DCUN1D2: variants seen among roughly 807,000 people sequenced by gnomAD.
The protein encoded by DCUN1D2 is defective in cullin neddylation 1 domain containing 2.
A neutral mutation model predicts 30.9 loss-of-function variants in DCUN1D2; 29 were observed. That is an observed-to-expected ratio of 0.94 (90% CI 0.70 to 1.28). The LOEUF is 1.28. Ranked by LOEUF, DCUN1D2 falls within the 50% of genes most tolerant of loss-of-function variation. The pLI is 0.00. For missense variants in DCUN1D2, 325 were observed against 316.9 expected (o/e 1.03, Z -0.19); for synonymous variants, 121 against 115.3 (o/e 1.05, Z -0.32).
intron 4 of DCUN1D2, among the ~76,000 whole-genome samples, chr13:113,470,092 G>A (rs577113534): frequency 6.6e-6 from 1 of 152,214 alleles, no homozygotes; most frequent in Non-Finnish European, 1.5e-5. Context: ...GATAGTCCGC[G>A]TAAGTGACAG....
In DCUN1D2 at chr13:113,456,101, T is replaced by G. The variant is rs1343741073; in HGVS notation, c.*1928A>C. The G allele has an allele frequency of 5.0e-6, 2 of 397,996 alleles. No individual in the cohort carries two copies. Among genetic ancestry groups the G allele is most frequent in the Non-Finnish European group, 8.8e-6 (2 of 226,000 alleles). The allele number at this position is 397,996 out of a possible 1,614,324, so 24.7% of individuals were successfully genotyped here. A position where few individuals can be genotyped will look rare whatever the true frequency, so the allele number is the denominator to read the frequency against. On this transcript the variant is annotated 3_prime_UTR_variant, in exon 7 of 7. Coordinates refer to ENST00000478244, the MANE Select transcript of DCUN1D2 (RefSeq NM_001014283.2). ...TGAAGCCTGGAAGATACGCTCACGTTTTTGAGGTTTGTATTAATGCCAGTT... is the reference window on the plus strand; with the variant it reads ...TGAAGCCTGGAAGATACGCTCACGTGTTTGAGGTTTGTATTAATGCCAGTT...
chr13:113,486,655 G>A (rs1323573077), intron 1 of DCUN1D2, among the ~76,000 whole-genome samples: 1 of 152,210 alleles, frequency 6.6e-6, no homozygotes, highest in Admixed American at 6.5e-5. Context: ...AATCTGAGGA[G>A]TCACAGGTCC....
Position 113,456,625 on chromosome 13 carries a change from C to G in DCUN1D2, c.*1404G>C, listed in dbSNP as rs1443300422. On this transcript the variant is annotated 3_prime_UTR_variant, in exon 7 of 7. Coordinates refer to ENST00000478244, the MANE Select transcript of DCUN1D2 (RefSeq NM_001014283.2). ...AGGGTCAACAGTGATGTCCACAACT[C>G]AATACCAGCCCTCCACACCTCGGCA... 1.9e-5 allele frequency: 7 copies of G among 361,634 alleles called. No individual in the cohort carries two copies. The South Asian group carries it at 4.5e-4, about 23-fold the overall frequency. The allele number at this position is 361,634 out of a possible 1,614,324, so 22.4% of individuals were successfully genotyped here. A position where few individuals can be genotyped will look rare whatever the true frequency, so the allele number is the denominator to read the frequency against.
At chr13:113,483,335 T>C (rs1168532823) in intron 2 of DCUN1D2, among the ~76,000 whole-genome samples, 2 of 152,194 alleles carry the variant, frequency 1.3e-5, no homozygotes, top group Non-Finnish European at 2.9e-5. Context: ...AAAGCCTCTC[T>C]AATCACTGAA....
intron 4 of DCUN1D2, among the ~76,000 whole-genome samples, chr13:113,471,535 A>C (rs184332964): frequency 3.4e-4 from 52 of 152,370 alleles, no homozygotes; most frequent in Admixed American, 3.4e-3. Context: ...TACTTACTGA[A>C]AACACTCAGC....
rs114626830 is a variant in DCUN1D2 at position 113,487,419 on chromosome 13, G to A, written c.3+3248C>T. 4.6e-3 allele frequency among the ~76,000 whole-genome samples: 705 copies of A among 151,800 alleles called. 5 individuals are homozygous for A. Among genetic ancestry groups the A allele is most frequent in the African/African-American group, 0.016 (670 of 41,080 alleles). The stretch of plus-strand genomic sequence containing the variant: ...ATGAAGTATTGATACATGCCACATG[G>A]ATGAACTTTTGACACTGAGTAAAAG... On this transcript the variant is annotated intron_variant, in intron 1 of 6. Coordinates refer to ENST00000478244, the MANE Select transcript of DCUN1D2 (RefSeq NM_001014283.2).
At chr13:113,476,181 C>G (rs1231581914) in intron 3 of DCUN1D2, 6 of 152,232 alleles carry the variant, frequency 3.9e-5, no homozygotes, top group Non-Finnish European at 7.3e-5. Flanking sequence ...GGTGTCAACA[C>G]TTCTGCACAC....
In DCUN1D2 at chr13:113,457,919, G is replaced by T; in HGVS notation, c.*110C>A. On this transcript the variant is annotated 3_prime_UTR_variant, in exon 7 of 7. Coordinates refer to ENST00000478244, the MANE Select transcript of DCUN1D2 (RefSeq NM_001014283.2). The stretch of plus-strand genomic sequence containing the variant: ...ATGGGATGGCGCCTCTGGTTTCATG[G>T]CTGGTCAAGAATGACTTCTGGAATC... 1 of 1,055,900 alleles carries T rather than the reference G, an allele frequency of 9.5e-7. No individual in the cohort carries two copies. The highest frequency in any genetic ancestry group is 1.4e-6 in the Non-Finnish European group (1 of 694,738). 65.4% of individuals were successfully genotyped at this position (1,055,900 alleles called of 1,614,324 possible). A position where few individuals can be genotyped will look rare whatever the true frequency, so the allele number is the denominator to read the frequency against.
intron 4 of DCUN1D2, among the ~76,000 whole-genome samples, chr13:113,464,534 A>T (rs1046862155): frequency 1.3e-5 from 2 of 152,256 alleles, no homozygotes; most frequent in Admixed American, 1.3e-4. Context: ...ACCTCCCGGA[A>T]ATTACCATGG....
chr13:113,463,787 G>GACACACAC (rs1205318620), intron 4 of DCUN1D2, among the ~76,000 whole-genome samples: 1 of 107,654 alleles, frequency 9.3e-6, no homozygotes, highest in African/African-American at 4.1e-5. Context: ...GACACACACA[G>GACACACAC]AGACACACAG....
Position 113,457,933 on chromosome 13 carries a change from A to C in DCUN1D2, c.*96T>G. 1 of 1,155,372 alleles carries C rather than the reference A, an allele frequency of 8.7e-7. No individual in the cohort carries two copies. The highest frequency in any genetic ancestry group is 1.3e-6 in the Non-Finnish European group (1 of 777,508). 71.6% of individuals were successfully genotyped at this position (1,155,372 alleles called of 1,614,324 possible). On this transcript the variant is annotated 3_prime_UTR_variant, in exon 7 of 7. Coordinates refer to ENST00000478244, the MANE Select transcript of DCUN1D2 (RefSeq NM_001014283.2). ...CTGGTTTCATGGCTGGTCAAGAATG[A>C]CTTCTGGAATCAGCGACAATGCACC... is the stretch of plus-strand genomic sequence containing the variant.
chr13:113,479,505 G>A (rs2044671164), intron 3 of DCUN1D2, among the ~76,000 whole-genome samples: 2 of 152,128 alleles, frequency 1.3e-5, no homozygotes, highest in South Asian at 2.1e-4. Flanking sequence ...TGTAATCCCA[G>A]CACTTTGGGA....
At position 113,457,960 on chromosome 13, in the gene DCUN1D2, A is replaced by C. The variant is rs2044252410; in HGVS notation, c.*69T>G. Reference sequence around the variant, plus strand: ...TTCTGGAATCAGCGACAATGCACCCAGGAACTGACTGCAATCTCCTTGCAG... The same window carrying C: ...TTCTGGAATCAGCGACAATGCACCCCGGAACTGACTGCAATCTCCTTGCAG... On this transcript the variant is annotated 3_prime_UTR_variant, in exon 7 of 7. Transcript: ENST00000478244. The C allele has an allele frequency of 7.0e-7, 1 of 1,420,498 alleles. No individual in the cohort carries two copies. Among genetic ancestry groups the C allele is most frequent in the Non-Finnish European group, 9.9e-7 (1 of 1,005,218 alleles). The allele number at this position is 1,420,498 out of a possible 1,614,324, so 88.0% of individuals were successfully genotyped here.
At position 113,490,684 on chromosome 13, in the gene DCUN1D2, C is replaced by G. The variant is rs1306121677; in HGVS notation, c.-15G>C. The G allele has an allele frequency of 1.6e-6, 2 of 1,236,260 alleles. No homozygotes were observed. Among genetic ancestry groups the G allele is most frequent in the Non-Finnish European group, 2.0e-6 (2 of 988,128 alleles). 76.6% of individuals were successfully genotyped at this position (1,236,260 alleles called of 1,614,324 possible). ...CCACCTACCATCTCCCCCGCGCCGC[C>G]CGCTTCTGGCCGGCCCCGGCCTTCT... On this transcript the variant is annotated 5_prime_UTR_variant, in exon 1 of 7. Transcript: ENST00000478244. This position sits in a 1 kb window ranked among gnomAD's most constrained non-coding sequence, Gnocchi z 5.2.
At chr13:113,468,673 T>C (rs2044449829) in intron 4 of DCUN1D2, among the ~76,000 whole-genome samples, 1 of 151,654 alleles carries the variant, frequency 6.6e-6, no homozygotes, top group Non-Finnish European at 1.5e-5. Flanking sequence ...GGGAGGGCCC[T>C]GGACAGGCGG....
chr13:113,457,873 C>T lies in DCUN1D2; in HGVS notation c.*156G>A, dbSNP rs1035351327. The T allele has an allele frequency of 3.5e-5, 25 of 717,020 alleles. No individual in the cohort carries two copies. Among genetic ancestry groups the T allele is most frequent in the Admixed American group, 4.4e-5 (2 of 45,606 alleles). 44.4% of individuals were successfully genotyped at this position (717,020 alleles called of 1,614,324 possible). A position where few individuals can be genotyped will look rare whatever the true frequency, so the allele number is the denominator to read the frequency against. The stretch of plus-strand genomic sequence containing the variant: ...CTTCCTGCGGTGTCCACAAAGCAGC[C>T]GCTGGCTGTCCTCCGGCAGAATGGG... On this transcript the variant is annotated 3_prime_UTR_variant, in exon 7 of 7. Transcript: ENST00000478244.
chr13:113,483,992 T>C lies in DCUN1D2; in HGVS notation c.68A>G (p.Glu23Gly). The part of the protein sequence containing the change: ...RQFMACTQAG[E>G]RTAIYCLTQN... ...CGTTAAGCAGTAGATAGCAGTTCTC[T>C]CGCCAGCCTGAGTGCACGCCATAAA... Residue 23 changes from glutamate to glycine, a missense_variant, in exon 2 of 7, where the codon GAG becomes GGG. Coordinates refer to ENST00000478244, the MANE Select transcript of DCUN1D2 (RefSeq NM_001014283.2). 1 of 1,614,196 alleles carries C rather than the reference T, an allele frequency of 6.2e-7. No homozygotes were observed. The highest frequency in any genetic ancestry group is 8.5e-7 in the Non-Finnish European group (1 of 1,180,050).
intron 4 of DCUN1D2, among the ~76,000 whole-genome samples, chr13:113,471,063 A>T (rs972662088): frequency 6.8e-6 from 1 of 147,492 alleles, no homozygotes; most frequent in African/African-American, 2.5e-5. Context: ...AGAGGACCCA[A>T]CTCCACAGGG....
upstream of DCUN1D2, chr13:113,491,146 G>A (rs2139769503): frequency 6.6e-6 from 1 of 152,558 alleles, no homozygotes; most frequent in South Asian, 2.1e-4. Flanking sequence ...AAGCCCTCCG[G>A]CGCTGCGCTC....
Sources: gnomAD v4.1 joint callset for allele counts (sites outside exome capture counted in the v4.1 genomes callset) on GRCh38, gnomAD v4.1.1 for gene constraint, Gnocchi (gnomAD v3.1) non-coding constraint, MANE v1.5 for transcripts, NCBI Gene and HGNC (gene_info 2026-07-23, HGNC 2026-07-21) for gene names.